Variants in PITPNC1 observed in about 807,000 individuals in gnomAD.
PITPNC1 encodes cytoplasmic phosphatidylinositol transfer protein 1.
Under a neutral mutation model 44.7 loss-of-function variants are expected in PITPNC1, and 18 were observed. The ratio of observed to expected loss-of-function variants is 0.40; its 90% CI spans 0.28 to 0.60. PITPNC1 has a LOEUF of 0.60. PITPNC1 is among the 20% of genes least tolerant of loss of function. PITPNC1 has a pLI of 0.39. For synonymous variants in PITPNC1, 141 were observed against 149.6 expected (o/e 0.94, Z 0.42); for missense variants, 290 against 418.4 (o/e 0.69, Z 2.68).
chr17:67,616,738 T>C (rs1200008235), intron 5 of PITPNC1, among the ~76,000 whole-genome samples: 1 of 152,204 alleles, frequency 6.6e-6, no homozygotes, highest in Admixed American at 6.5e-5. Flanking sequence ...TGGATTCCTA[T>C]CCACTTTGTT....
chr17:67,551,569 CTTTCTCT>C, intron 2 of PITPNC1, among the ~76,000 whole-genome samples: 1 of 152,286 alleles, frequency 6.6e-6, no homozygotes, highest in East Asian at 1.9e-4. Flanking sequence ...TCTCTTTCTC[CTTTCTCT>C]TATAAGGATA....
intron 4 of PITPNC1, among the ~76,000 whole-genome samples, chr17:67,572,413 T>C (rs562269574): frequency 2.6e-4 from 37 of 139,958 alleles, no homozygotes; most frequent in African/African-American, 8.1e-4. Flanking sequence ...AAAGCATTAT[T>C]TGAGCAAACC....
intron 1 of PITPNC1, among the ~76,000 whole-genome samples, chr17:67,479,875 ACTTTT>A (rs1384052074): frequency 3.9e-5 from 6 of 152,196 alleles, no homozygotes; most frequent in African/African-American, 1.4e-4. Flanking sequence ...CTGCCTCAGT[ACTTTT>A]CTTTAATTAA....
chr17:67,523,364 C>G (rs2040352407), intron 1 of PITPNC1, among the ~76,000 whole-genome samples: 1 of 152,134 alleles, frequency 6.6e-6, no homozygotes, highest in Non-Finnish European at 1.5e-5. Flanking sequence ...GAACCCGCAG[C>G]ATAACAGGGA....
intron 1 of PITPNC1, among the ~76,000 whole-genome samples, chr17:67,531,371 G>T (rs1027632122): frequency 6.6e-6 from 1 of 152,194 alleles, no homozygotes; most frequent in Non-Finnish European, 1.5e-5. Context: ...ATACGCTCAC[G>T]TTAAAAGCGT....
intron 1 of PITPNC1, among the ~76,000 whole-genome samples, chr17:67,482,703 GA>G (rs2039720437): frequency 6.6e-6 from 1 of 152,184 alleles, no homozygotes; most frequent in African/African-American, 2.4e-5. Flanking sequence ...ATCTTTTCAG[GA>G]AAATCTGGTT....
chr17:67,454,943 C>T (rs1262478411), intron 1 of PITPNC1, among the ~76,000 whole-genome samples: 2 of 151,968 alleles, frequency 1.3e-5, no homozygotes, highest in Non-Finnish European at 2.9e-5. Flanking sequence ...CTTCAGCCCC[C>T]TGAGTAGCTG....
At chr17:67,389,847 T>C (rs1044911461) in intron 1 of PITPNC1, among the ~76,000 whole-genome samples, 2 of 151,900 alleles carry the variant, frequency 1.3e-5, no homozygotes, top group African/African-American at 4.8e-5. Context: ...GCCCGGCTAA[T>C]TGTTTGTATT....
At chr17:67,543,203 G>A (rs571867231) in intron 2 of PITPNC1, among the ~76,000 whole-genome samples, 4 of 152,248 alleles carry the variant, frequency 2.6e-5, no homozygotes, top group African/African-American at 9.6e-5. Flanking sequence ...GAGCCAGATG[G>A]CGTCATTCTG....
At chr17:67,476,911 G>A (rs968774307) in intron 1 of PITPNC1, among the ~76,000 whole-genome samples, 2 of 152,096 alleles carry the variant, frequency 1.3e-5, no homozygotes, top group African/African-American at 2.4e-5. Flanking sequence ...CATCACCTGC[G>A]AGCTTGTTAG....
At chr17:67,545,629 A>T (rs532711354) in intron 2 of PITPNC1, among the ~76,000 whole-genome samples, 18 of 152,192 alleles carry the variant, frequency 1.2e-4, no homozygotes, top group African/African-American at 4.3e-4. Context: ...ATTTATTTTT[A>T]TTTTTTTACC....
chr17:67,686,963 T>A, intron 8 of PITPNC1: 2 of 692,120 alleles, frequency 2.9e-6, no homozygotes, highest in Non-Finnish European at 5.1e-6. Flanking sequence ...TCTGCTTTTT[T>A]AAACCTCCTT....
At chr17:67,521,044 A>G (rs898950446) in intron 1 of PITPNC1, among the ~76,000 whole-genome samples, 3 of 152,160 alleles carry the variant, frequency 2.0e-5, no homozygotes, top group African/African-American at 7.2e-5. Flanking sequence ...TATGAAGACT[A>G]TTGTTACTCT....
chr17:67,452,277 C>T (rs2039191115), intron 1 of PITPNC1, among the ~76,000 whole-genome samples: 3 of 152,018 alleles, frequency 2.0e-5, no homozygotes, highest in South Asian at 2.1e-4. Context: ...TCCCAAAGTG[C>T]TGGGACTACA....
intron 1 of PITPNC1, among the ~76,000 whole-genome samples, chr17:67,383,809 CG>C (rs2038000843): frequency 6.6e-6 from 1 of 152,150 alleles, no homozygotes; most frequent in Admixed American, 6.6e-5. Context: ...GAGGCTGAGG[CG>C]GGTGGATCAC....
rs2037896252 is a variant in PITPNC1, at chr17:67,377,928, C to G, written c.-227C>G. ...AACACCGCGTTCCGGGAGGACCGGC[C>G]TCGGCGAGGGAGGAGGCGGGGGAGC... On this transcript the variant is annotated 5_prime_UTR_variant, in exon 1 of 9. Coordinates refer to ENST00000581322, the MANE Select transcript of PITPNC1 (RefSeq NM_012417.4). The G allele has an allele frequency of 4.9e-6, 2 of 410,702 alleles. No individual in the cohort carries two copies. Among genetic ancestry groups the G allele is most frequent in the South Asian group, 6.6e-5 (1 of 15,122 alleles). 25.4% of individuals were successfully genotyped at this position (410,702 alleles called of 1,614,324 possible). A position where few individuals can be genotyped will look rare whatever the true frequency, so the allele number is the denominator to read the frequency against.
intron 4 of PITPNC1, among the ~76,000 whole-genome samples, chr17:67,561,875 C>T (rs796080575): frequency 3.3e-5 from 5 of 152,336 alleles, no homozygotes; most frequent in African/African-American, 7.2e-5. Flanking sequence ...GGATTACAGG[C>T]GTGAGCCATC....
At chr17:67,478,886 CT>C (rs1016034251) in intron 1 of PITPNC1, among the ~76,000 whole-genome samples, 139 of 145,782 alleles carry the variant, frequency 9.5e-4, no homozygotes, top group Middle Eastern at 7.3e-3. Flanking sequence ...TTTCTTCAAT[CT>C]TTTTTTTTTT....
intron 7 of PITPNC1, among the ~76,000 whole-genome samples, chr17:67,672,176 T>C (rs934538015): frequency 2.6e-5 from 4 of 152,008 alleles, no homozygotes; most frequent in Non-Finnish European, 2.9e-5. Flanking sequence ...TTAAGTGATT[T>C]GCCTGCCTCG....
Sources: allele counts gnomAD v4.1 joint callset (sites outside exome capture counted in the v4.1 genomes callset), GRCh38; gene constraint gnomAD v4.1.1; transcripts MANE v1.5; gene names NCBI Gene and HGNC (gene_info 2026-07-23, HGNC 2026-07-21).